Variants in ZFPM1 observed in about 807,000 individuals in gnomAD.
ZFPM1 encodes zinc finger protein, FOG family member 1.
A neutral mutation model predicts 46.3 loss-of-function variants in ZFPM1; 28 were observed. The observed-to-expected ratio is 0.60, with a 90% CI of 0.45 to 0.83. ZFPM1 has a LOEUF of 0.83. Among genes scored for constraint, ZFPM1 ranks in the 40% least tolerant of loss-of-function variants. ZFPM1 has a pLI of 0.00. For missense variants in ZFPM1, 1,878 were observed against 1,432.4 expected (o/e 1.31, Z -5.02); for synonymous variants, 957 against 675.9 (o/e 1.42, Z -6.45).
intron 1 of ZFPM1, among the ~76,000 whole-genome samples, chr16:88,454,841 C>T (rs1192800821): frequency 1.3e-5 from 2 of 152,214 alleles, no homozygotes. Flanking sequence ...GCCCGCTGCC[C>T]AGCCGTAGGC....
In ZFPM1 at chr16:88,533,645, G is replaced by T; in HGVS notation, c.1687G>T (p.Gly563Cys). Residue 563 changes from glycine to cysteine, a missense_variant, in exon 10 of 10, where the codon GGC (glycine) becomes TGC (cysteine). Transcript: ENST00000319555. Reference sequence around the variant, plus strand: ...GCAGCAGGGCGCGGGCGCGGGCGCCGGCGGCGCGCAGACCGGGCTCTTCCC... The same window carrying T: ...GCAGCAGGGCGCGGGCGCGGGCGCCTGCGGCGCGCAGACCGGGCTCTTCCC... ...RLQQGAGAGA[G>C]GAQTGLFPGA... 6.8e-7 allele frequency: 1 copy of T among 1,461,348 alleles called. No individual in the cohort carries two copies. The highest frequency in any genetic ancestry group is 2.9e-5 in the East Asian group (1 of 33,966). 90.5% of individuals were successfully genotyped at this position (1,461,348 alleles called of 1,614,324 possible).
chr16:88,488,120 C>T (rs1367993561), intron 2 of ZFPM1, among the ~76,000 whole-genome samples: 2 of 152,218 alleles, frequency 1.3e-5, no homozygotes, highest in East Asian at 3.9e-4. Context: ...ACTCCGAGGC[C>T]CTTGGCTGTC....
At chr16:88,516,994 G>A (rs936764137) in intron 4 of ZFPM1, among the ~76,000 whole-genome samples, 1 of 152,172 alleles carries the variant, frequency 6.6e-6, no homozygotes, top group African/African-American at 2.4e-5. Flanking sequence ...TCAGGAGCGT[G>A]GACTCTGGCA....
intron 4 of ZFPM1, among the ~76,000 whole-genome samples, chr16:88,515,812 G>A (rs763384581): frequency 7.2e-5 from 11 of 152,246 alleles, no homozygotes; most frequent in Non-Finnish European, 1.5e-4. Flanking sequence ...GGTTCTGTGG[G>A]GCGTGAGCTC....
rs140056116 is a variant in ZFPM1 at position 88,471,557 on chromosome 16, G to A, written c.41-14382G>A. Among the ~76,000 whole-genome samples, 438 of 152,256 alleles carry A rather than the reference G, an allele frequency of 2.9e-3. No individual in the cohort carries two copies. The highest frequency in any genetic ancestry group is 9.8e-3 in the African/African-American group (409 of 41,542). On this transcript the variant is annotated intron_variant, in intron 1 of 9. Transcript: ENST00000319555. This position sits in a 1 kb window ranked among gnomAD's most constrained non-coding sequence, Gnocchi z 4.1. Reference sequence around the variant, plus strand: ...AAGACCCCAAGATGACCATGGCTGCGGTGGCTCCTGCTCACAGTGGGGGAC... The same window carrying A: ...AAGACCCCAAGATGACCATGGCTGCAGTGGCTCCTGCTCACAGTGGGGGAC...
intron 3 of ZFPM1, among the ~76,000 whole-genome samples, chr16:88,502,035 A>G (rs1205007063): frequency 1.5e-5 from 2 of 134,522 alleles, no homozygotes; most frequent in African/African-American, 2.8e-5. Context: ...TAGCTCCTCC[A>G]CCCCCGACGC....
upstream of ZFPM1, among the ~76,000 whole-genome samples, chr16:88,453,129 CG>C (rs964520747): frequency 5.1e-5 from 7 of 138,104 alleles, no homozygotes; most frequent in Non-Finnish European, 3.1e-5. Context: ...AACGAAGAGC[CG>C]GGCTGGCGGG....
chr16:88,484,547 G>C (rs1909112439), intron 1 of ZFPM1, among the ~76,000 whole-genome samples: 1 of 152,232 alleles, frequency 6.6e-6, no homozygotes, highest in South Asian at 2.1e-4. Flanking sequence ...GGGCTCAGGA[G>C]GGCCACGGCC....
chr16:88,508,792 C>G (rs760995443), intron 3 of ZFPM1, among the ~76,000 whole-genome samples: 6 of 152,350 alleles, frequency 3.9e-5, no homozygotes, highest in Admixed American at 2.6e-4. Context: ...AGCTGCCACC[C>G]AGATTACGGG....
intron 4 of ZFPM1, among the ~76,000 whole-genome samples, chr16:88,525,847 G>T (rs1455780825): frequency 6.6e-6 from 1 of 152,240 alleles, no homozygotes; most frequent in Non-Finnish European, 1.5e-5. Context: ...TTCAGCTGGG[G>T]GCCGGGGTGC....
intron 1 of ZFPM1, among the ~76,000 whole-genome samples, chr16:88,473,986 A>G (rs1310089319): frequency 2.0e-5 from 3 of 152,064 alleles, no homozygotes; most frequent in Admixed American, 6.5e-5. Flanking sequence ...TATCAGGCCC[A>G]TCGGAGGGCC....
intron 1 of ZFPM1, among the ~76,000 whole-genome samples, chr16:88,461,308 A>T (rs927662567): frequency 2.6e-5 from 4 of 151,458 alleles, no homozygotes; most frequent in Non-Finnish European, 5.9e-5. Context: ...CTTGCTGGGG[A>T]GTCCCCAGGT....
At chr16:88,467,270 G>T (rs12935117) in intron 1 of ZFPM1, among the ~76,000 whole-genome samples, 52,247 of 151,930 alleles carry the variant, frequency 0.34, 9,331 homozygotes, top group East Asian at 0.57. Context: ...CAAGCAGGGG[G>T]TACAGCATCT....
chr16:88,488,968 C>T (rs1049801966), intron 2 of ZFPM1, 63 bp from the exon 3 acceptor site: 1 of 1,555,376 alleles, frequency 6.4e-7, no homozygotes, highest in Admixed American at 1.8e-5. Flanking sequence ...TTCCCAGCTA[C>T]AGGGAGGGGC....
chr16:88,514,647 T>C (rs765952927), intron 4 of ZFPM1, 127 bp downstream of exon 4: 8 of 1,276,138 alleles, frequency 6.3e-6, no homozygotes, highest in East Asian at 2.6e-5. Context: ...GCCTGAGATA[T>C]TGGGACCTGG....
chr16:88,462,117 G>A lies in ZFPM1; in HGVS notation c.40+8439G>A, dbSNP rs148992271. On this transcript the variant is annotated intron_variant, in intron 1 of 9. Transcript: ENST00000319555. ...GTGGTGGCTGATCTTGGGCAGAGCCGCGTGAGCAGATAAGCAGGCCCCTCC... is the reference window on the plus strand; with the variant it reads ...GTGGTGGCTGATCTTGGGCAGAGCCACGTGAGCAGATAAGCAGGCCCCTCC... Among the ~76,000 whole-genome samples, 444 of 152,322 alleles carry A rather than the reference G, an allele frequency of 2.9e-3. 4 individuals are homozygous for A. The highest frequency in any genetic ancestry group is 0.017 in the Middle Eastern group (5 of 294).
chr16:88,454,099 T>C (rs1907424815), intron 1 of ZFPM1, among the ~76,000 whole-genome samples: 1 of 152,232 alleles, frequency 6.6e-6, no homozygotes, highest in Non-Finnish European at 1.5e-5. Flanking sequence ...GCTGAAATTG[T>C]GATCTTATCT....
Position 88,488,950 on chromosome 16 carries a change from C to T in ZFPM1, c.146-81C>T, listed in dbSNP as rs1597245057. 9 of 1,535,180 alleles carry T rather than the reference C, an allele frequency of 5.9e-6. No homozygotes were observed. In the East Asian group the frequency reaches 2.1e-4, roughly 36 times the overall value. On this transcript the variant is annotated intron_variant, in intron 2 of 9. Coordinates refer to ENST00000319555, the MANE Select transcript of ZFPM1 (RefSeq NM_153813.3). The stretch of plus-strand genomic sequence containing the variant: ...CTCCCCAACCCGGCGCCCAGCGCCT[C>T]AGCATCCTTCCCAGCTACAGGGAGG...
intron 1 of ZFPM1, among the ~76,000 whole-genome samples, chr16:88,465,636 G>C (rs904688840): frequency 6.6e-6 from 1 of 152,206 alleles, no homozygotes; most frequent in African/African-American, 2.4e-5. Flanking sequence ...AGTCCCATTG[G>C]CCAGCTGGGG....
Sources: gnomAD v4.1 joint callset for allele counts (sites outside exome capture counted in the v4.1 genomes callset) on GRCh38, gnomAD v4.1.1 for gene constraint, Gnocchi (gnomAD v3.1) non-coding constraint, MANE v1.5 for transcripts, NCBI Gene and HGNC (gene_info 2026-07-23, HGNC 2026-07-21) for gene names.